SFI1: variants seen among roughly 807,000 people sequenced by gnomAD.
SFI1 encodes the protein SFI1 centrin binding protein.
Under a neutral mutation model 207.5 loss-of-function variants are expected in SFI1, and 195 were observed. The observed-to-expected ratio is 0.94, with a 90% confidence interval of 0.84 to 1.06. The LOEUF (loss-of-function observed/expected upper bound fraction) is 1.06, where lower values mean the gene tolerates loss of function less well. SFI1 is among the 50% of genes least tolerant of loss of function. The probability of loss-of-function intolerance (pLI) is 0.00; values close to 1 mark genes in which losing one functional copy is unlikely to be tolerated. For synonymous variants in SFI1, 630 were observed against 598.9 expected (o/e 1.05, Z -0.76); for missense variants, 1,634 against 1,588.0 (o/e 1.03, Z -0.49).
intron 2 of SFI1, among the ~76,000 whole-genome samples, chr22:31,520,877 G>A (rs1387243137): frequency 6.6e-6 from 1 of 151,098 alleles, no homozygotes; most frequent in Non-Finnish European, 1.5e-5. Context: ...GGTAGTGCTT[G>A]CCTGTAGTAC....
At chr22:31,578,778 G>A (rs1458915813) in intron 11 of SFI1, among the ~76,000 whole-genome samples, 1 of 152,078 alleles carries the variant, frequency 6.6e-6, no homozygotes, top group East Asian at 1.9e-4. Context: ...GTTGAAGCAC[G>A]TCAGGGAGTC....
chr22:31,549,443 G>T (rs1185820022), intron 5 of SFI1, among the ~76,000 whole-genome samples: 1 of 151,582 alleles, frequency 6.6e-6, no homozygotes, highest in East Asian at 1.9e-4. Context: ...TGCCTCCCAG[G>T]TTCAAGCCAT....
intron 12 of SFI1, among the ~76,000 whole-genome samples, chr22:31,583,310 TC>T (rs1337763616): frequency 6.6e-6 from 1 of 152,100 alleles, no homozygotes; most frequent in Non-Finnish European, 1.5e-5. Flanking sequence ...ACAGGGTTTC[TC>T]CCTGTTGGTC....
At chr22:31,559,450 G>A in intron 7 of SFI1, 1 of 414,064 alleles carries the variant, frequency 2.4e-6, no homozygotes, top group East Asian at 5.7e-5. Context: ...GGCTTCCGCG[G>A]GAGGCCTACA....
At position 31,613,523 on chromosome 22, in the gene SFI1, A is replaced by C. The variant is rs528341939; in HGVS notation, c.2735A>C (p.Gln912Pro). The C allele has an allele frequency of 1.1e-5, 17 of 1,588,898 alleles. No individual in the cohort carries two copies. In the Admixed American group the frequency reaches 1.9e-4, roughly 18 times the overall value. The part of the protein sequence containing the change: ...ASRQQLQAQQ[Q>P]VQAAHSLHRA... ...CGGCAGCAGCTGCAGGCCCAGCAGC[A>C]GGTCCAGGTAGGCCCAGGGCCCCTT... is the stretch of plus-strand genomic sequence containing the variant. Residue 912 changes from glutamine (Q) to proline (P), a missense_variant, in exon 26 of 33, where the codon CAG becomes CCG. Coordinates refer to ENST00000400288, the MANE Select transcript of SFI1 (RefSeq NM_001007467.3).
At chr22:31,545,831 G>A (rs892797227) in intron 4 of SFI1, among the ~76,000 whole-genome samples, 8 of 148,518 alleles carry the variant, frequency 5.4e-5, no homozygotes, top group African/African-American at 9.9e-5. Flanking sequence ...CACCTGCCTC[G>A]GCCTCCCAAA....
At chr22:31,588,777 C>T (rs1295836975) in intron 14 of SFI1, among the ~76,000 whole-genome samples, 2 of 150,436 alleles carry the variant, frequency 1.3e-5, no homozygotes, top group Non-Finnish European at 3.0e-5. Flanking sequence ...TGTGCCACTG[C>T]ACTCCAGCCT....
chr22:31,582,205 T>TA (rs1259111660), intron 12 of SFI1, among the ~76,000 whole-genome samples: 3,766 of 9,732 alleles, frequency 0.39, 599 homozygotes, highest in East Asian at 0.51. Context: ...TTTATTACAT[T>TA]TTATATATAT....
At chr22:31,563,261 G>A (rs1160741207) in intron 8 of SFI1, among the ~76,000 whole-genome samples, 1 of 152,040 alleles carries the variant, frequency 6.6e-6, no homozygotes, top group Non-Finnish European at 1.5e-5. Flanking sequence ...CCAAAGTGCT[G>A]GGATTACAGG....
intron 8 of SFI1, among the ~76,000 whole-genome samples, chr22:31,572,019 A>G (rs901252070): frequency 4.6e-5 from 7 of 152,164 alleles, no homozygotes; most frequent in Non-Finnish European, 7.4e-5. Flanking sequence ...AAACTCGGGA[A>G]GGTGAGAGAT....
In SFI1 at chr22:31,546,898, G is replaced by A. The variant is rs182967809; in HGVS notation, c.376G>A (p.Glu126Lys). The A allele has an allele frequency of 4.1e-5, 66 of 1,611,826 alleles. No individual in the cohort carries two copies. The East Asian group carries it at 1.0e-3, about 26-fold the overall frequency. ...YEQRLLRKVFEEWKEEWWVFQ... is the reference protein window; with the variant it reads ...YEQRLLRKVFKEWKEEWWVFQ... ...GCAGCGATTACTACGGAAGGTCTTC[G>A]AAGAATGGAAAGAGGAGTGGTGGGT... The change falls in exon 5 of 33, where the codon GAA becomes AAA. Residue 126 changes from glutamate (E) to lysine (K), a missense_variant. Coordinates refer to ENST00000400288, the MANE Select transcript of SFI1 (RefSeq NM_001007467.3).
chr22:31,545,071 A>G (rs2059940853), intron 4 of SFI1, among the ~76,000 whole-genome samples: 1 of 152,018 alleles, frequency 6.6e-6, no homozygotes, highest in Non-Finnish European at 1.5e-5. Flanking sequence ...GGCTAACTAA[A>G]AAAATTTAGG....
chr22:31,600,001 G>A (rs1008242441), intron 15 of SFI1, among the ~76,000 whole-genome samples: 3 of 152,044 alleles, frequency 2.0e-5, no homozygotes, highest in Admixed American at 6.6e-5. Flanking sequence ...GGGATTACAG[G>A]AGTGAGCCAC....
intron 15 of SFI1, among the ~76,000 whole-genome samples, chr22:31,592,990 C>G (rs1186764395): frequency 1.6e-5 from 2 of 126,142 alleles, no homozygotes; most frequent in African/African-American, 6.6e-5. Context: ...GGGGGCTGAC[C>G]CCCCCACCTC....
chr22:31,589,621 A>G (rs2146409506), intron 15 of SFI1, 44 bp downstream of exon 15: 4 of 1,576,652 alleles, frequency 2.5e-6, no homozygotes, highest in East Asian at 2.3e-5. Context: ...GGTGTTTCAA[A>G]TCTAACTCTG....
intron 2 of SFI1, among the ~76,000 whole-genome samples, chr22:31,513,561 C>CGTTTTTTGTTTT (rs1555942776): frequency 1.4e-5 from 2 of 146,132 alleles, no homozygotes; most frequent in Middle Eastern, 3.4e-3. Context: ...TTTGGTTTTT[C>CGTTTTTTGTTTT]GTTTTGTTTT....
intron 15 of SFI1, among the ~76,000 whole-genome samples, chr22:31,601,943 C>T (rs150146901): frequency 7.4e-4 from 106 of 142,640 alleles, no homozygotes; most frequent in Middle Eastern, 3.5e-3. Flanking sequence ...CAGGCACACA[C>T]CATCACACCC....
chr22:31,531,152 TA>T (rs578252913), intron 4 of SFI1, 23 bp downstream of exon 4: 38 of 1,579,200 alleles, frequency 2.4e-5, no homozygotes, highest in Non-Finnish European at 3.3e-5. Context: ...CAGAACAACA[TA>T]ATTGTGTTGA....
chr22:31,567,194 C>T (rs905227568), intron 8 of SFI1, among the ~76,000 whole-genome samples: 2 of 152,256 alleles, frequency 1.3e-5, no homozygotes, highest in Admixed American at 6.5e-5. Context: ...CGTGAGCCAC[C>T]GCACCTGGCC....
Sources: allele counts gnomAD v4.1 joint callset (sites outside exome capture counted in the v4.1 genomes callset), GRCh38; gene constraint gnomAD v4.1.1; transcripts MANE v1.5; gene names NCBI Gene and HGNC (gene_info 2026-07-23, HGNC 2026-07-21).